The following ERBB4 variants were observed in gnomAD, a reference collection of about 807,000 sequenced individuals.
ERBB4 encodes receptor tyrosine-protein kinase erbB-4.
A neutral mutation model predicts 158.0 loss-of-function variants in ERBB4; 42 were observed. That is an observed-to-expected ratio of 0.27 (90% CI 0.21 to 0.34). ERBB4 has a LOEUF of 0.34. Among genes scored for constraint, ERBB4 ranks in the 10% least tolerant of loss-of-function variants. ERBB4 has a pLI of 1.00. For missense variants in ERBB4, 1,333 were observed against 1,624.1 expected, an observed-to-expected ratio of 0.82 and a Z score of 3.08; for synonymous variants, 583 against 558.7, an observed-to-expected ratio of 1.04 and a Z score of -0.61.
rs539212194 is a variant in ERBB4, at chr2:211,702,118, C to T, written c.1338G>A (p.Gln446=). ...CGCTGATTTCCTTCAGGGACTGGAA[C>T]TGTAGAGAGGTGATGCCCTGTTGCT... ...ILKQQGITSL[Q]FQSLKEISAG... Residue 446 remains glutamine (Q), a synonymous_variant, in exon 12 of 28, where the codon CAG becomes CAA. Transcript: ENST00000342788. 6.2e-7 allele frequency: 1 copy of T among 1,614,024 alleles called. No homozygotes were observed. Among genetic ancestry groups the T allele is most frequent in the Non-Finnish European group, 8.5e-7 (1 of 1,180,008 alleles).
intron 20 of ERBB4, among the ~76,000 whole-genome samples, chr2:211,498,965 A>G (rs2065545152): frequency 6.6e-6 from 1 of 152,136 alleles, no homozygotes; most frequent in Admixed American, 6.5e-5. Flanking sequence ...GGAATTGCCC[A>G]ACAATGGGTT....
chr2:211,577,103 T>A (rs1208001028), intron 19 of ERBB4, among the ~76,000 whole-genome samples: 1 of 152,176 alleles, frequency 6.6e-6, no homozygotes, highest in East Asian at 1.9e-4. Flanking sequence ...AGGTAATATA[T>A]GTGAAAGAGT....
chr2:211,692,126 G>A (rs2072846166), intron 12 of ERBB4, among the ~76,000 whole-genome samples: 2 of 152,168 alleles, frequency 1.3e-5, no homozygotes, highest in South Asian at 4.1e-4. Context: ...GGAAGGTAGA[G>A]CTTTTTAATC....
At chr2:211,841,213 A>C (rs1283278425) in intron 3 of ERBB4, among the ~76,000 whole-genome samples, 1 of 152,094 alleles carries the variant, frequency 6.6e-6, no homozygotes, top group East Asian at 1.9e-4. Flanking sequence ...AGTTAGATAA[A>C]TGTGCTCTTA....
chr2:212,003,096 A>G (rs2076145566), intron 2 of ERBB4, among the ~76,000 whole-genome samples: 1 of 95,238 alleles, frequency 1.0e-5, no homozygotes, highest in South Asian at 3.9e-4. Flanking sequence ...AGAGAGACAG[A>G]GACAGAAAGA....
At chr2:211,967,341 T>C (rs2081335772) in intron 2 of ERBB4, among the ~76,000 whole-genome samples, 2 of 152,106 alleles carry the variant, frequency 1.3e-5, no homozygotes, top group Admixed American at 6.6e-5. Flanking sequence ...GAGGCTTTAC[T>C]TAAGATAGAA....
intron 5 of ERBB4, among the ~76,000 whole-genome samples, chr2:211,745,907 G>A (rs1177276770): frequency 1.3e-5 from 2 of 152,028 alleles, no homozygotes; most frequent in African/African-American, 4.8e-5. Context: ...ACAAAATACT[G>A]TATCCAGGAA....
intron 20 of ERBB4, among the ~76,000 whole-genome samples, chr2:211,489,275 G>T (rs558372630): frequency 6.6e-6 from 1 of 152,116 alleles, no homozygotes; most frequent in African/African-American, 2.4e-5. Flanking sequence ...AGTTCATTAT[G>T]ATGACTATAA....
chr2:212,074,602 G>A lies in ERBB4; in HGVS notation c.234+50150C>T, dbSNP rs115341148. 7.2e-3 allele frequency among the ~76,000 whole-genome samples: 1,087 copies of A among 152,026 alleles called. 9 individuals carry two copies. Among genetic ancestry groups the A allele is most frequent in the Non-Finnish European group, 0.012 (782 of 67,914 alleles). On this transcript the variant is annotated intron_variant, in intron 2 of 27. Transcript: ENST00000342788. ...TTTGATGAATATCATCTTAGTGAATGTTGCCAGCAACCTGGGGAGACAATG... is the reference window on the plus strand; with the variant it reads ...TTTGATGAATATCATCTTAGTGAATATTGCCAGCAACCTGGGGAGACAATG...
intron 1 of ERBB4, among the ~76,000 whole-genome samples, chr2:212,241,153 A>T (rs2084088638): frequency 6.6e-6 from 1 of 152,160 alleles, no homozygotes; most frequent in East Asian, 1.9e-4. Context: ...GCTCTTTGGG[A>T]GGTTGAGGCA....
intron 21 of ERBB4, among the ~76,000 whole-genome samples, chr2:211,429,506 C>A (rs920012358): frequency 1.3e-5 from 2 of 152,200 alleles, no homozygotes; most frequent in African/African-American, 4.8e-5. Context: ...TCTCAACCCA[C>A]ATATCCTGCT....
In ERBB4 at chr2:211,376,319, A is replaced by G. The variant is rs1464945474; in HGVS notation, c.*7296T>C. The G allele has an allele frequency of 3.0e-5, 7 of 232,960 alleles. No homozygotes were observed. Among genetic ancestry groups the G allele is most frequent in the African/African-American group, 4.4e-5 (2 of 45,282 alleles). 14.4% of individuals were successfully genotyped at this position (232,960 alleles called of 1,614,324 possible). On this transcript the variant is annotated 3_prime_UTR_variant, in exon 28 of 28. Transcript: ENST00000342788. ...AACCCTAAAGACAATTATGTTCCAAATAAAGATGTCCACAAAAGAAAATCA... is the reference window on the plus strand; with the variant it reads ...AACCCTAAAGACAATTATGTTCCAAGTAAAGATGTCCACAAAAGAAAATCA...
chr2:212,162,218 C>G (rs560659041), intron 1 of ERBB4, among the ~76,000 whole-genome samples: 2 of 151,816 alleles, frequency 1.3e-5, no homozygotes, highest in East Asian at 3.9e-4. Flanking sequence ...TATATTCATG[C>G]AATGCAATAC....
At chr2:211,807,642 C>A (rs1181323556) in intron 3 of ERBB4, among the ~76,000 whole-genome samples, 1 of 152,080 alleles carries the variant, frequency 6.6e-6, no homozygotes. Context: ...GATGTATAAT[C>A]CTTTGGGTAT....
intron 3 of ERBB4, among the ~76,000 whole-genome samples, chr2:211,933,279 T>C (rs2080226485): frequency 6.6e-6 from 1 of 152,104 alleles, no homozygotes; most frequent in Non-Finnish European, 1.5e-5. Flanking sequence ...ACACATTCAC[T>C]ATGTGAACAA....
At chr2:212,106,075 A>G (rs2079217896) in intron 2 of ERBB4, among the ~76,000 whole-genome samples, 1 of 152,196 alleles carries the variant, frequency 6.6e-6, no homozygotes, top group Non-Finnish European at 1.5e-5. Context: ...CAACTAATAC[A>G]GTAAACTGGT....
At chr2:212,043,615 C>T (rs978328240) in intron 2 of ERBB4, among the ~76,000 whole-genome samples, 168 of 152,174 alleles carry the variant, frequency 1.1e-3, no homozygotes, top group African/African-American at 3.9e-3. Flanking sequence ...TATTGATTTT[C>T]ATTATATGCA....
In ERBB4 at chr2:211,992,226, G is replaced by C. The variant is rs1190279492; in HGVS notation, c.235-44610C>G. The stretch of plus-strand genomic sequence containing the variant: ...CTGGGAAGAAAAAGAGGTTTAATTG[G>C]ACTTACAGTTCCACATGGCTTAGGA... On this transcript the variant is annotated intron_variant, in intron 2 of 27. Transcript: ENST00000342788. Among the ~76,000 whole-genome samples, 7 of 152,202 alleles carry C rather than the reference G, an allele frequency of 4.6e-5. No homozygotes were observed. In the South Asian group the frequency reaches 1.5e-3, roughly 32 times the overall value.
intron 1 of ERBB4, among the ~76,000 whole-genome samples, chr2:212,233,093 G>A (rs2083725312): frequency 1.3e-5 from 2 of 152,122 alleles, no homozygotes; most frequent in African/African-American, 4.8e-5. Context: ...GGAATATTCA[G>A]GACATGCTAT....
Sources: allele counts gnomAD v4.1 joint callset (sites outside exome capture counted in the v4.1 genomes callset), GRCh38; gene constraint gnomAD v4.1.1; transcripts MANE v1.5; gene names NCBI Gene and HGNC (gene_info 2026-07-23, HGNC 2026-07-21).